The following CCDC62 variants were observed in gnomAD, a reference collection of about 807,000 sequenced individuals.
CCDC62 encodes coiled-coil domain containing 62, also known as coiled-coil domain-containing protein 62.
In CCDC62, 72 loss-of-function variants were observed where a neutral mutation model predicts 80.8. The ratio of observed to expected loss-of-function variants is 0.89; its 90% CI spans 0.74 to 1.08. CCDC62 has a LOEUF of 1.08. Ranked by LOEUF, CCDC62 falls within the 50% of genes least tolerant of loss-of-function variation. The pLI is 0.00. For missense variants in CCDC62, 704 were observed against 809.4 expected (o/e 0.87, Z 1.58); for synonymous variants, 286 against 296.5 (o/e 0.96, Z 0.36).
intron 9 of CCDC62, among the ~76,000 whole-genome samples, chr12:122,805,362 T>G (rs1442781261): frequency 3.3e-5 from 4 of 119,508 alleles, no homozygotes; most frequent in Non-Finnish European, 7.4e-5. Flanking sequence ...TTTTTTTTTT[T>G]GAGACAGAGT....
At chr12:122,778,801 C>T (rs759157833) in intron 2 of CCDC62, among the ~76,000 whole-genome samples, 3 of 152,136 alleles carry the variant, frequency 2.0e-5, no homozygotes, top group Admixed American at 6.6e-5. Context: ...ATTGCTTGAA[C>T]CTGGGAGGTG....
intron 8 of CCDC62, 69 bp from the exon 9 acceptor site, chr12:122,801,055 G>T: frequency 6.7e-7 from 1 of 1,488,056 alleles, no homozygotes; most frequent in Non-Finnish European, 9.0e-7. Flanking sequence ...TGAGTTTTGG[G>T]TGAAATGTTT....
chr12:122,817,684 C>T (rs1160660121), intron 11 of CCDC62, among the ~76,000 whole-genome samples: 1 of 152,174 alleles, frequency 6.6e-6, no homozygotes, highest in Admixed American at 6.6e-5. Context: ...GTCCTCGTGG[C>T]TTCAGGTTGT....
rs1231026465 is a variant in CCDC62 at position 122,797,960 on chromosome 12, TA to T, written c.862-124del. The T allele has an allele frequency of 7.8e-5, 48 of 614,856 alleles. No individual in the cohort carries two copies. In the East Asian group the frequency reaches 1.4e-3, roughly 17 times the overall value. 38.1% of individuals were successfully genotyped at this position (614,856 alleles called of 1,614,324 possible). The stretch of plus-strand genomic sequence containing the variant: ...AAATTAAAAGCAGACATATTTAGCA[TA>T]TTTCTCTAGTAACTATCTGACCTGT... On this transcript the variant is annotated intron_variant, in intron 7 of 12. Transcript: ENST00000253079.
At chr12:122,810,917 A>G (rs375998326) in intron 10 of CCDC62, among the ~76,000 whole-genome samples, 1,727 of 151,852 alleles carry the variant, frequency 0.011, 30 homozygotes, top group African/African-American at 0.039. Context: ...AACTATCACA[A>G]GGACAAAAAA....
At position 122,801,425 on chromosome 12, in the gene CCDC62, T is replaced by C. The variant is rs370837800; in HGVS notation, c.1279T>C (p.Leu427=). The change falls in exon 9 of 13, where the codon TTG becomes CTG. Residue 427 remains leucine (L), a synonymous_variant. Transcript: ENST00000253079. ...GATTGAACCCGAAAACAAAATTACATTGTGCAAGATCCACACAAAATCACC... is the reference window on the plus strand; with the variant it reads ...GATTGAACCCGAAAACAAAATTACACTGTGCAAGATCCACACAAAATCACC... ...TQIEPENKIT[L]CKIHTKSPKC... is the part of the protein sequence containing the mutation. The C allele has an allele frequency of 2.5e-6, 4 of 1,613,554 alleles. No individual in the cohort carries two copies. Among genetic ancestry groups the C allele is most frequent in the South Asian group, 1.1e-5 (1 of 91,054 alleles).
In CCDC62 at chr12:122,801,870, C is replaced by T. The variant is rs1012092062; in HGVS notation, c.1706+18C>T. On this transcript the variant is annotated intron_variant, in intron 9 of 12. Coordinates refer to ENST00000253079, the MANE Select transcript of CCDC62 (RefSeq NM_201435.5). Reference sequence around the variant, plus strand: ...CCGGCAAGGTGAGTAACGTTCACATCTGTAAACACCCACGGAGCATGCATG... The same window carrying T: ...CCGGCAAGGTGAGTAACGTTCACATTTGTAAACACCCACGGAGCATGCATG... 5.0e-6 allele frequency: 8 copies of T among 1,607,384 alleles called. No individual in the cohort carries two copies. Among genetic ancestry groups the T allele is most frequent in the Non-Finnish European group, 6.8e-6 (8 of 1,177,070 alleles).
intron 11 of CCDC62, among the ~76,000 whole-genome samples, chr12:122,819,222 C>T (rs540668691): frequency 3.0e-4 from 45 of 152,054 alleles, no homozygotes; most frequent in Non-Finnish European, 6.2e-4. Context: ...AGCTAGGTAC[C>T]GAAAAAGCAA....
intron 5 of CCDC62, among the ~76,000 whole-genome samples, chr12:122,791,327 C>T (rs1007275621): frequency 2.6e-5 from 4 of 151,756 alleles, no homozygotes; most frequent in Non-Finnish European, 5.9e-5. Context: ...TTAGTAGAGA[C>T]GGGGTTTTAC....
At chr12:122,806,828 C>A (rs1260259022) in intron 10 of CCDC62, among the ~76,000 whole-genome samples, 1 of 135,274 alleles carries the variant, frequency 7.4e-6, no homozygotes, top group African/African-American at 2.8e-5. Context: ...TTTTTGGCAA[C>A]TTGATATATG....
intron 1 of CCDC62, among the ~76,000 whole-genome samples, chr12:122,775,189 C>G (rs949018719): frequency 1.3e-5 from 2 of 152,122 alleles, no homozygotes; most frequent in African/African-American, 2.4e-5. Context: ...TTATTCAGCC[C>G]GGGCCACAGA....
At chr12:122,800,807 G>A (rs2031258482) in intron 8 of CCDC62, among the ~76,000 whole-genome samples, 1 of 152,186 alleles carries the variant, frequency 6.6e-6, no homozygotes, top group South Asian at 2.1e-4. Context: ...ATATCAGAAT[G>A]ATGCAGATTA....
intron 10 of CCDC62, among the ~76,000 whole-genome samples, chr12:122,808,273 G>A (rs1418519718): frequency 6.6e-6 from 1 of 151,976 alleles, no homozygotes; most frequent in Non-Finnish European, 1.5e-5. Context: ...CTCCAGCCTG[G>A]GTGACAGAGC....
At chr12:122,808,628 G>A (rs1282502074) in intron 10 of CCDC62, among the ~76,000 whole-genome samples, 1 of 152,054 alleles carries the variant, frequency 6.6e-6, no homozygotes. Flanking sequence ...CTGGGCTCAA[G>A]TAATCCTCCC....
intron 4 of CCDC62, among the ~76,000 whole-genome samples, chr12:122,787,886 G>A (rs944931417): frequency 6.6e-6 from 1 of 152,128 alleles, no homozygotes; most frequent in African/African-American, 2.4e-5. Context: ...AGGCTGAAAG[G>A]GATTGACTGT....
At chr12:122,801,049 T>G in intron 8 of CCDC62, 75 bp from the exon 9 acceptor site, 1 of 1,462,640 alleles carries the variant, frequency 6.8e-7, no homozygotes, top group Non-Finnish European at 9.2e-7. Context: ...CTCTACTGAG[T>G]TTTGGGTGAA....
At chr12:122,825,141 T>G (rs902140162) in intron 12 of CCDC62, among the ~76,000 whole-genome samples, 5 of 151,544 alleles carry the variant, frequency 3.3e-5, no homozygotes, top group African/African-American at 1.2e-4. Context: ...AAAATTAATG[T>G]TTTAGCATTT....
intron 4 of CCDC62, among the ~76,000 whole-genome samples, chr12:122,787,206 G>A (rs1333079009): frequency 6.6e-6 from 1 of 152,166 alleles, no homozygotes; most frequent in East Asian, 1.9e-4. Context: ...CCAGCACTTT[G>A]GGAAGCTGAG....
In CCDC62 at chr12:122,801,359, G is replaced by C; in HGVS notation, c.1213G>C (p.Glu405Gln). 1 of 1,614,192 alleles carries C rather than the reference G, an allele frequency of 6.2e-7. No individual in the cohort carries two copies. The highest frequency in any genetic ancestry group is 8.5e-7 in the Non-Finnish European group (1 of 1,180,034). ...LSSIFTKDLV[E>Q]KHNLPWSLGG... ...ATCCATATTCACCAAAGACTTAGTA[G>C]AGAAACACAACCTCCCTTGGTCTCT... Residue 405 changes from glutamate to glutamine, a missense_variant, in exon 9 of 13, where the codon GAG becomes CAG. Physicochemically the swap from Glu to Gln is conservative, Grantham distance 29. Transcript: ENST00000253079.
Sources: allele counts gnomAD v4.1 joint callset (sites outside exome capture counted in the v4.1 genomes callset), GRCh38; gene constraint gnomAD v4.1.1; transcripts MANE v1.5; gene names NCBI Gene and HGNC (gene_info 2026-07-23, HGNC 2026-07-21).